ZDHHC20: variants seen among roughly 807,000 people sequenced by gnomAD.
ZDHHC20 encodes palmitoyltransferase ZDHHC20.
Under a neutral mutation model 57.8 loss-of-function variants are expected in ZDHHC20, and 43 were observed. The observed-to-expected ratio is 0.74, with a 90% CI of 0.58 to 0.96. ZDHHC20 has a LOEUF of 0.96. Among genes scored for constraint, ZDHHC20 ranks in the 40% least tolerant of loss-of-function variants. The pLI is 0.00. For missense variants in ZDHHC20, 391 were observed against 441.1 expected (o/e 0.89, Z 1.02); for synonymous variants, 157 against 153.0 (o/e 1.03, Z -0.19).
At chr13:21,404,065 G>C (rs765275500) in intron 4 of ZDHHC20, among the ~76,000 whole-genome samples, 15 of 152,184 alleles carry the variant, frequency 9.9e-5, no homozygotes, top group Non-Finnish European at 2.9e-5. Context: ...TAGCAAAGAA[G>C]AGTGATGTTC....
At chr13:21,438,451 T>C (rs987452501) in intron 1 of ZDHHC20, among the ~76,000 whole-genome samples, 4 of 152,180 alleles carry the variant, frequency 2.6e-5, no homozygotes, top group African/African-American at 9.7e-5. Flanking sequence ...ACTGCAGATG[T>C]GGTGAAAACA....
chr13:21,395,325 CA>C (rs1876586162), intron 7 of ZDHHC20, among the ~76,000 whole-genome samples: 3 of 152,040 alleles, frequency 2.0e-5, no homozygotes, highest in Non-Finnish European at 2.9e-5. Flanking sequence ...CTCGGCCTCC[CA>C]AAGTGCTGGG....
At chr13:21,430,607 A>G (rs1450287085) in intron 1 of ZDHHC20, among the ~76,000 whole-genome samples, 4 of 151,860 alleles carry the variant, frequency 2.6e-5, no homozygotes, top group South Asian at 2.1e-4. Flanking sequence ...CAGTTTGTCT[A>G]TTGTTTTTGG....
chr13:21,446,002 A>C (rs563561017), intron 1 of ZDHHC20, among the ~76,000 whole-genome samples: 4 of 152,232 alleles, frequency 2.6e-5, no homozygotes, highest in Non-Finnish European at 5.9e-5. Flanking sequence ...AAGGGTCCTC[A>C]GGTGGCCTGA....
intron 2 of ZDHHC20, among the ~76,000 whole-genome samples, chr13:21,425,363 A>G (rs1881131458): frequency 6.6e-6 from 1 of 152,176 alleles, no homozygotes; most frequent in African/African-American, 2.4e-5. Flanking sequence ...GTTTTGAAGA[A>G]CATATGAGAC....
intron 2 of ZDHHC20, among the ~76,000 whole-genome samples, chr13:21,424,956 TG>T (rs1422670585): frequency 6.6e-6 from 1 of 152,194 alleles, no homozygotes; most frequent in East Asian, 1.9e-4. Flanking sequence ...AATGCCTAAT[TG>T]TCTCCAGTAA....
chr13:21,432,595 G>A (rs1277880802), intron 1 of ZDHHC20, among the ~76,000 whole-genome samples: 1 of 152,110 alleles, frequency 6.6e-6, no homozygotes, highest in Non-Finnish European at 1.5e-5. Flanking sequence ...GCCTCCCAAA[G>A]TGCTGGGATT....
At chr13:21,413,555 A>T in intron 4 of ZDHHC20, 97 bp downstream of exon 4, 1 of 1,113,536 alleles carries the variant, frequency 9.0e-7, no homozygotes, top group Non-Finnish European at 1.2e-6. Flanking sequence ...TGGCAATCAT[A>T]GTATCCATTT....
chr13:21,389,571 C>CA (rs552479856), intron 8 of ZDHHC20, among the ~76,000 whole-genome samples: 91 of 151,568 alleles, frequency 6.0e-4, no homozygotes, highest in African/African-American at 2.1e-3. Flanking sequence ...TGGCCACCGG[C>CA]AAAAAAAAGT....
intron 1 of ZDHHC20, among the ~76,000 whole-genome samples, chr13:21,426,750 T>C (rs1881307422): frequency 6.6e-6 from 1 of 151,926 alleles, no homozygotes; most frequent in African/African-American, 2.4e-5. Context: ...GGATTACAGG[T>C]GAGTGCCACC....
chr13:21,379,288 CT>C (rs200310611), intron 11 of ZDHHC20, among the ~76,000 whole-genome samples: 159 of 145,612 alleles, frequency 1.1e-3, no homozygotes, highest in East Asian at 6.4e-3. Context: ...TTTCTTTTTC[CT>C]TTTTTTTTTT....
chr13:21,445,744 T>C (rs1883629632), intron 1 of ZDHHC20, among the ~76,000 whole-genome samples: 1 of 151,808 alleles, frequency 6.6e-6, no homozygotes, highest in Admixed American at 6.6e-5. Context: ...TTTTAGGTTC[T>C]GGAAATACAG....
intron 3 of ZDHHC20, among the ~76,000 whole-genome samples, chr13:21,420,195 G>A (rs1880492299): frequency 6.6e-6 from 1 of 152,168 alleles, no homozygotes; most frequent in South Asian, 2.1e-4. Flanking sequence ...GCTGAGGCAG[G>A]AGAATCGCTT....
chr13:21,447,507 C>G (rs1331658771), intron 1 of ZDHHC20, among the ~76,000 whole-genome samples: 3 of 146,876 alleles, frequency 2.0e-5, no homozygotes, highest in African/African-American at 7.4e-5. Flanking sequence ...CGGTCTCCAG[C>G]CCCTAACCGC....
At chr13:21,455,902 T>C (rs1884886733) in intron 1 of ZDHHC20, among the ~76,000 whole-genome samples, 1 of 152,158 alleles carries the variant, frequency 6.6e-6, no homozygotes, top group Non-Finnish European at 1.5e-5. Context: ...AATAGATTAG[T>C]CATTAATTGT....
intron 1 of ZDHHC20, among the ~76,000 whole-genome samples, chr13:21,440,668 A>AT (rs1566110481): frequency 1.2e-3 from 177 of 152,316 alleles, no homozygotes; most frequent in African/African-American, 4.0e-3. Flanking sequence ...ATATGACAAA[A>AT]GAAAGATTTT....
chr13:21,456,488 C>T (rs949518753), intron 1 of ZDHHC20, among the ~76,000 whole-genome samples: 1 of 152,132 alleles, frequency 6.6e-6, no homozygotes, highest in East Asian at 1.9e-4. Context: ...TCACACTTCC[C>T]TCCATTTAAG....
chr13:21,409,156 T>C (rs1252608199), intron 4 of ZDHHC20, among the ~76,000 whole-genome samples: 2 of 152,194 alleles, frequency 1.3e-5, no homozygotes, highest in Non-Finnish European at 1.5e-5. Flanking sequence ...CCTTTTTCTA[T>C]TGTTTAGAAT....
At position 21,444,974 on chromosome 13, in the gene ZDHHC20, T is replaced by A. The variant is rs116658951; in HGVS notation, c.118+14080A>T. On this transcript the variant is annotated intron_variant, in intron 1 of 12. Transcript: ENST00000400590. ...AGGAGGCTAAGGTGGAAGGATTGCT[T>A]GAGTCTGGGAGTTTGAGGATGCAGT... 6.4e-3 allele frequency among the ~76,000 whole-genome samples: 977 copies of A among 152,196 alleles called. 10 individuals carry two copies. Among genetic ancestry groups the A allele is most frequent in the African/African-American group, 0.022 (931 of 41,512 alleles).
Sources: allele counts gnomAD v4.1 joint callset (sites outside exome capture counted in the v4.1 genomes callset), GRCh38; gene constraint gnomAD v4.1.1; transcripts MANE v1.5; gene names NCBI Gene and HGNC (gene_info 2026-07-23, HGNC 2026-07-21).